The following CEP112 variants were observed in gnomAD, a reference collection of about 807,000 sequenced individuals.
CEP112 encodes the protein centrosomal protein 112, also known as centrosomal protein of 112 kDa.
A neutral mutation model predicts 153.0 loss-of-function variants in CEP112; 127 were observed. The observed-to-expected ratio is 0.83, with a 90% CI of 0.72 to 0.96. The LOEUF is 0.96. CEP112 is among the 40% of genes least tolerant of loss of function. The probability of loss-of-function intolerance (pLI) is 0.00; values close to 1 mark genes in which losing one functional copy is unlikely to be tolerated. For synonymous variants in CEP112, 358 were observed against 374.4 expected (o/e 0.96, Z 0.51); for missense variants, 1,089 against 1,101.2 (o/e 0.99, Z 0.16).
At chr17:66,127,749 G>A (rs1434390930) in intron 6 of CEP112, among the ~76,000 whole-genome samples, 1 of 152,084 alleles carries the variant, frequency 6.6e-6, no homozygotes, top group Non-Finnish European at 1.5e-5. Context: ...GGAAGCTCTA[G>A]GCCTTGAACT....
Position 65,886,162 on chromosome 17 carries a change from C to T in CEP112, c.2163+15990G>A, listed in dbSNP as rs145068850. 1.4e-3 allele frequency among the ~76,000 whole-genome samples: 213 copies of T among 152,188 alleles called. 2 individuals are homozygous for T. The highest frequency in any genetic ancestry group is 5.1e-3 in the African/African-American group (211 of 41,510). ...TGGGTGGCTGAAAACGAAAGGACAG[C>T]ATCATTTAAACCAACCATGTTCCTA... is the stretch of plus-strand genomic sequence containing the variant. On this transcript the variant is annotated intron_variant, in intron 20 of 26. Transcript: ENST00000535342.
chr17:65,885,480 T>C (rs2059243302), intron 20 of CEP112, among the ~76,000 whole-genome samples: 1 of 152,188 alleles, frequency 6.6e-6, no homozygotes, highest in Non-Finnish European at 1.5e-5. Flanking sequence ...AGTTATGTTG[T>C]TTTCCTTTTT....
chr17:65,730,773 G>A (rs910628200), intron 23 of CEP112, among the ~76,000 whole-genome samples: 12 of 86,238 alleles, frequency 1.4e-4, no homozygotes, highest in South Asian at 3.7e-4. Flanking sequence ...CCCACCCCCC[G>A]CCCCCAACCA....
intron 22 of CEP112, among the ~76,000 whole-genome samples, chr17:65,746,291 C>T (rs1383624263): frequency 1.3e-5 from 2 of 151,118 alleles, no homozygotes; most frequent in East Asian, 3.9e-4. Context: ...TAAAACCTTA[C>T]ATTCTTTGGG....
rs576629829 is a variant in CEP112, at chr17:65,913,610, G to C, written c.1981-11276C>G. The C allele has an allele frequency of 5.1e-6, 5 of 985,356 alleles. No individual in the cohort carries two copies. The South Asian group carries it at 1.9e-4, about 37-fold the overall frequency. 61.0% of individuals were successfully genotyped at this position (985,356 alleles called of 1,614,324 possible). ...TCTGTCAATCAACAGTTCAGTTTAC[G>C]CATGGAAGTTCTCCTTATTTAAAAG... On this transcript the variant is annotated intron_variant, in intron 19 of 26. Coordinates refer to ENST00000535342, the MANE Select transcript of CEP112 (RefSeq NM_001199165.4).
intron 25 of CEP112, 137 bp from the exon 26 acceptor site, chr17:65,637,325 G>T: frequency 1.5e-6 from 1 of 677,482 alleles, no homozygotes; most frequent in Non-Finnish European, 2.6e-6. Context: ...TGTCAATGTT[G>T]TGTTTTTTAC....
intron 17 of CEP112, among the ~76,000 whole-genome samples, chr17:65,989,397 C>T (rs1401095751): frequency 6.6e-6 from 1 of 151,792 alleles, no homozygotes; most frequent in African/African-American, 2.4e-5. Flanking sequence ...TAAAGAAGCT[C>T]CAATTCATTT....
chr17:66,092,336 G>A (rs1007507725), intron 8 of CEP112, among the ~76,000 whole-genome samples: 10 of 133,076 alleles, frequency 7.5e-5, no homozygotes, highest in South Asian at 2.6e-4. Flanking sequence ...CACCGAGTCC[G>A]GCCTTGAAGC....
chr17:66,059,441 C>T (rs1237920599), intron 11 of CEP112, among the ~76,000 whole-genome samples: 3 of 152,128 alleles, frequency 2.0e-5, no homozygotes, highest in African/African-American at 7.2e-5. Flanking sequence ...AAGAACTCAA[C>T]AATTCAACAA....
intron 6 of CEP112, among the ~76,000 whole-genome samples, chr17:66,122,337 T>C (rs961224856): frequency 6.6e-5 from 10 of 152,238 alleles, no homozygotes; most frequent in Non-Finnish European, 1.3e-4. Flanking sequence ...ATAAGGGCCA[T>C]ACTTTCCTGT....
At chr17:65,952,490 C>T (rs956009788) in intron 18 of CEP112, among the ~76,000 whole-genome samples, 2 of 151,994 alleles carry the variant, frequency 1.3e-5, no homozygotes, top group Non-Finnish European at 2.9e-5. Flanking sequence ...ATTGTACATA[C>T]CACATTTCAT....
intron 24 of CEP112, among the ~76,000 whole-genome samples, chr17:65,656,817 A>G (rs1267925205): frequency 6.6e-6 from 1 of 152,188 alleles, no homozygotes; most frequent in Non-Finnish European, 1.5e-5. Context: ...AATACAATAA[A>G]TATTTGCTGA....
At chr17:65,694,782 G>A (rs542726692) in intron 23 of CEP112, among the ~76,000 whole-genome samples, 10 of 152,100 alleles carry the variant, frequency 6.6e-5, no homozygotes, top group African/African-American at 1.4e-4. Context: ...AAGTACAACC[G>A]CGGACTTTAA....
chr17:65,635,800 A>G lies in CEP112; in HGVS notation c.*171T>C, dbSNP rs2044739672. 9.3e-6 allele frequency: 6 copies of G among 642,800 alleles called. No individual in the cohort carries two copies. In the South Asian group the frequency reaches 1.4e-4, roughly 15 times the overall value. The allele number at this position is 642,800 out of a possible 1,614,324, so 39.8% of individuals were successfully genotyped here. A position where few individuals can be genotyped will look rare whatever the true frequency, so the allele number is the denominator to read the frequency against. On this transcript the variant is annotated 3_prime_UTR_variant, in exon 27 of 27. Coordinates refer to ENST00000535342, the MANE Select transcript of CEP112 (RefSeq NM_001199165.4). Reference sequence around the variant, plus strand: ...AAAAATAACTTAGGCAGACACAAATAAAACCACCCCACTAGTGTATGAATG... The same window carrying G: ...AAAAATAACTTAGGCAGACACAAATGAAACCACCCCACTAGTGTATGAATG...
chr17:65,747,909 A>T (rs2051573615), intron 22 of CEP112, among the ~76,000 whole-genome samples: 1 of 152,242 alleles, frequency 6.6e-6, no homozygotes, highest in African/African-American at 2.4e-5. Context: ...TCTCTGAGGT[A>T]CCAACACATT....
rs5821583 is a variant in CEP112, at chr17:65,681,675, AT to A, written c.2697+7453del. 6.6e-3 allele frequency among the ~76,000 whole-genome samples: 886 copies of A among 133,384 alleles called. 3 individuals carry two copies. The highest frequency in any genetic ancestry group is 0.019 in the Middle Eastern group (5 of 270). 87.5% of individuals were successfully genotyped at this position (133,384 alleles called of 152,430 possible). A position where few individuals can be genotyped will look rare whatever the true frequency, so the allele number is the denominator to read the frequency against. On this transcript the variant is annotated intron_variant, in intron 24 of 26. Coordinates refer to ENST00000535342, the MANE Select transcript of CEP112 (RefSeq NM_001199165.4). ...ATTCTGTGAATTTTTCCTTTTTTTA[AT>A]TTTTTTTTTTTTTTTGAGACAGGAT...
chr17:65,874,543 C>T (rs962097552), intron 20 of CEP112, among the ~76,000 whole-genome samples: 1 of 151,994 alleles, frequency 6.6e-6, no homozygotes, highest in African/African-American at 2.4e-5. Context: ...AAGGTACTTC[C>T]CATGTATTGG....
intron 24 of CEP112, among the ~76,000 whole-genome samples, chr17:65,661,329 A>T (rs1221711563): frequency 6.6e-6 from 1 of 152,148 alleles, no homozygotes; most frequent in Non-Finnish European, 1.5e-5. Flanking sequence ...TTACTGATTG[A>T]CACTTAAGGG....
At chr17:65,803,522 G>A (rs912897094) in intron 21 of CEP112, among the ~76,000 whole-genome samples, 1 of 152,188 alleles carries the variant, frequency 6.6e-6, no homozygotes, top group African/African-American at 2.4e-5. Flanking sequence ...TGTAATTAAT[G>A]TGGATATAAA....
Sources: allele counts gnomAD v4.1 joint callset (sites outside exome capture counted in the v4.1 genomes callset), GRCh38; gene constraint gnomAD v4.1.1; transcripts MANE v1.5; gene names NCBI Gene and HGNC (gene_info 2026-07-23, HGNC 2026-07-21).